The following WDHD1 variants were observed in gnomAD, a reference collection of about 807,000 sequenced individuals.
The protein encoded by WDHD1 is WD repeat and HMG-box DNA binding protein 1, also known as WD repeat and HMG-box DNA-binding protein 1.
Under a neutral mutation model 135.4 loss-of-function variants are expected in WDHD1, and 111 were observed. The observed-to-expected ratio is 0.82, with a 90% CI of 0.70 to 0.96. The LOEUF is 0.96. WDHD1 is among the 40% of genes least tolerant of loss of function. The probability of loss-of-function intolerance (pLI) is 0.00; values close to 1 mark genes in which losing one functional copy is unlikely to be tolerated. For synonymous variants in WDHD1, 434 were observed against 439.0 expected, an observed-to-expected ratio of 0.99 and a Z score of 0.14; for missense variants, 1,351 against 1,336.3, an observed-to-expected ratio of 1.01 and a Z score of -0.17.
intron 20 of WDHD1, 79 bp from the exon 21 acceptor site, chr14:54,962,630 G>C: frequency 1.3e-6 from 2 of 1,522,686 alleles, no homozygotes; most frequent in Non-Finnish European, 1.8e-6. Flanking sequence ...AGATAGCAAA[G>C]AGGTCTGAAA....
chr14:54,955,357 AATTT>A (rs1436107301), intron 24 of WDHD1, among the ~76,000 whole-genome samples, 200 bp downstream of exon 24: 1 of 152,188 alleles, frequency 6.6e-6, no homozygotes, highest in Non-Finnish European at 1.5e-5. Flanking sequence ...AAAAATATAC[AATTT>A]ATTAAAGCAT....
intron 16 of WDHD1, among the ~76,000 whole-genome samples, chr14:54,980,701 G>A (rs2041603226): frequency 6.6e-6 from 1 of 151,658 alleles, no homozygotes; most frequent in Non-Finnish European, 1.5e-5. Flanking sequence ...AGCTACTGGG[G>A]AGGCTGAGGT....
chr14:54,988,473 T>C (rs1030979951), intron 13 of WDHD1, among the ~76,000 whole-genome samples: 6 of 152,274 alleles, frequency 3.9e-5, no homozygotes, highest in African/African-American at 1.4e-4. Context: ...TGTATTTTGA[T>C]TGTGGTAGGG....
intron 2 of WDHD1, among the ~76,000 whole-genome samples, chr14:55,022,409 T>C (rs1333975433): frequency 2.0e-5 from 3 of 152,108 alleles, no homozygotes; most frequent in Admixed American, 2.0e-4. Flanking sequence ...TTTCCTTCCT[T>C]ACTAATAAAT....
chr14:55,025,906 G>A (rs557819267), intron 2 of WDHD1, among the ~76,000 whole-genome samples: 7 of 152,228 alleles, frequency 4.6e-5, no homozygotes, highest in Admixed American at 1.3e-4. Flanking sequence ...TGCCTGCTCC[G>A]TCTTCAGATG....
intron 24 of WDHD1, among the ~76,000 whole-genome samples, chr14:54,950,996 C>T (rs2041041703): frequency 1.3e-5 from 2 of 152,082 alleles, no homozygotes; most frequent in African/African-American, 4.8e-5. Flanking sequence ...ACATTTAAAG[C>T]AGTGTGTAGA....
intron 2 of WDHD1, 78 bp from the exon 3 acceptor site, chr14:55,013,674 G>A (rs1044100935): frequency 1.8e-6 from 2 of 1,100,678 alleles, no homozygotes; most frequent in Non-Finnish European, 2.8e-6. Flanking sequence ...GGGAGTACAA[G>A]GTGGGAGGAT....
chr14:54,954,264 C>A (rs2041114180), intron 24 of WDHD1, among the ~76,000 whole-genome samples: 1 of 151,960 alleles, frequency 6.6e-6, no homozygotes, highest in South Asian at 2.1e-4. Context: ...CCAGCCTGGG[C>A]AACAAGAGCG....
In WDHD1 at chr14:55,012,530, T is replaced by C. The variant is rs550887178; in HGVS notation, c.189+955A>G. Reference sequence around the variant, plus strand: ...AAGTTAATGAAACATTCCCGTTTTCTAGAACAATTCCTTAAGTTATCTGAA... The same window carrying C: ...AAGTTAATGAAACATTCCCGTTTTCCAGAACAATTCCTTAAGTTATCTGAA... On this transcript the variant is annotated intron_variant, in intron 3 of 25. Coordinates refer to ENST00000360586, the MANE Select transcript of WDHD1 (RefSeq NM_007086.4). Among the ~76,000 whole-genome samples, 22 of 152,364 alleles carry C rather than the reference T, an allele frequency of 1.4e-4. No homozygotes were observed. In the East Asian group the frequency reaches 2.9e-3, roughly 20 times the overall value.
At chr14:54,982,572 G>A (rs766326836) in intron 15 of WDHD1, among the ~76,000 whole-genome samples, 2 of 152,066 alleles carry the variant, frequency 1.3e-5, no homozygotes, top group Non-Finnish European at 2.9e-5. Flanking sequence ...GGAAATCTGT[G>A]GCAAATTACC....
In WDHD1 at chr14:54,981,683, G is replaced by A. The variant is rs142416038; in HGVS notation, c.1920C>T (p.Tyr640=). ...IGFSAEGTPC[Y]VDSEGIVRML... Reference sequence around the variant, plus strand: ...TTCGAACAATTCCTTCTGAATCCACGTAACAAGGGGTACCTAAACACCAAC... The same window carrying A: ...TTCGAACAATTCCTTCTGAATCCACATAACAAGGGGTACCTAAACACCAAC... Residue 640 remains tyrosine, a synonymous_variant, in exon 16 of 26, where the codon TAC becomes TAT. Transcript: ENST00000360586. 20 of 1,606,448 alleles carry A rather than the reference G, an allele frequency of 1.2e-5. No homozygotes were observed. The highest frequency in any genetic ancestry group is 1.5e-5 in the Non-Finnish European group (18 of 1,174,122).
Position 54,939,990 on chromosome 14 carries a change from TTG to T in WDHD1, c.*1498_*1499del, listed in dbSNP as rs1251013389. On this transcript the variant is annotated 3_prime_UTR_variant, in exon 26 of 26. Coordinates refer to ENST00000360586, the MANE Select transcript of WDHD1 (RefSeq NM_007086.4). Reference sequence around the variant, plus strand: ...TATAAATAAACCTTTACTTAAGATCTTGAAATCAAAATTAGTTTGTATAGTAT... The same window carrying T: ...TATAAATAAACCTTTACTTAAGATCTAAATCAAAATTAGTTTGTATAGTAT... 1 of 152,206 alleles carries T rather than the reference TTG, an allele frequency of 6.6e-6. No homozygotes were observed. The highest frequency in any genetic ancestry group is 2.4e-5 in the African/African-American group (1 of 41,446). The allele number at this position is 152,206 out of a possible 1,614,324, so 9.4% of individuals were successfully genotyped here. A position where few individuals can be genotyped will look rare whatever the true frequency, so the allele number is the denominator to read the frequency against.
intron 16 of WDHD1, among the ~76,000 whole-genome samples, chr14:54,969,738 G>A (rs965770121): frequency 6.6e-6 from 1 of 151,988 alleles, no homozygotes; most frequent in Non-Finnish European, 1.5e-5. Context: ...ATCTGGCAAA[G>A]ACACATCAAA....
intron 24 of WDHD1, among the ~76,000 whole-genome samples, chr14:54,948,199 T>C (rs1258677482): frequency 6.6e-6 from 1 of 151,902 alleles, no homozygotes; most frequent in South Asian, 2.1e-4. Flanking sequence ...TGTCGGACAG[T>C]GGGCGCAGAA....
At chr14:54,952,583 A>T (rs1046016149) in intron 24 of WDHD1, among the ~76,000 whole-genome samples, 3 of 152,230 alleles carry the variant, frequency 2.0e-5, no homozygotes, top group African/African-American at 7.2e-5. Context: ...CAATTTATAG[A>T]TTCAATGCCA....
chr14:54,981,643 G>A lies in WDHD1; in HGVS notation c.1960C>T (p.Leu654Phe), dbSNP rs190273219. Residue 654 changes from leucine to phenylalanine, a missense_variant, in exon 16 of 26, where the codon CTT (leucine) becomes TTT (phenylalanine). Leu to Phe is a conservative substitution (Grantham distance 22). This residue lies in a region of WDHD1 where 1,330 missense variants were observed against 1,296.1 expected (regional missense o/e 1.03). Transcript: ENST00000360586. ...CATATAGGAGTCCACGTATTACCAA[G>A]TCCTCTGTTAAGCATTCGAACAATT... ...EGIVRMLNRG[L>F]GNTWTPICNT... is the part of the protein sequence containing the mutation. 4 of 1,611,652 alleles carry A rather than the reference G, an allele frequency of 2.5e-6. No homozygotes were observed. The highest frequency in any genetic ancestry group is 2.7e-5 in the African/African-American group (2 of 74,958).
intron 2 of WDHD1, among the ~76,000 whole-genome samples, chr14:55,023,839 C>T (rs1447558800): frequency 2.0e-5 from 3 of 152,086 alleles, no homozygotes; most frequent in Admixed American, 6.6e-5. Flanking sequence ...TATGTAGTGA[C>T]GATTTAACAC....
intron 21 of WDHD1, among the ~76,000 whole-genome samples, chr14:54,961,340 TA>T (rs1170108747): frequency 1.3e-5 from 2 of 151,616 alleles, no homozygotes; most frequent in East Asian, 1.9e-4. Flanking sequence ...TAAAATAAAA[TA>T]AAAAAAAGAC....
intron 10 of WDHD1, among the ~76,000 whole-genome samples, chr14:54,999,315 A>T (rs1312532716): frequency 6.6e-6 from 1 of 152,218 alleles, no homozygotes; most frequent in South Asian, 2.1e-4. Flanking sequence ...TAAAAAAACA[A>T]ATCTCCAACA....
Sources: gnomAD v4.1 joint callset for allele counts (sites outside exome capture counted in the v4.1 genomes callset) on GRCh38, gnomAD v4.1.1 for gene constraint, gnomAD v4.1.1 regional missense constraint, MANE v1.5 for transcripts, NCBI Gene and HGNC (gene_info 2026-07-23, HGNC 2026-07-21) for gene names.